Variants in ANKRD24 observed in about 807,000 individuals in gnomAD.
ANKRD24 encodes the protein ankyrin repeat domain 24, also known as ankyrin repeat domain-containing protein 24.
A neutral mutation model predicts 127.8 loss-of-function variants in ANKRD24; 109 were observed. That is an observed-to-expected ratio of 0.85 (90% CI 0.73 to 1.00). The LOEUF (loss-of-function observed/expected upper bound fraction) is 1.00. Ranked by LOEUF, ANKRD24 falls within the 50% of genes least tolerant of loss-of-function variation. The pLI is 0.00. For synonymous variants in ANKRD24, 743 were observed against 671.1 expected (o/e 1.11, Z -1.66); for missense variants, 1,648 against 1,570.2 (o/e 1.05, Z -0.84).
At position 4,223,409 on chromosome 19, in the gene ANKRD24, T is replaced by A. The variant is rs1479462679; in HGVS notation, c.3297+614T>A. Among the ~76,000 whole-genome samples the A allele has an allele frequency of 9.9e-4, 126 of 127,392 alleles. 1 individual carries two copies. Among genetic ancestry groups the A allele is most frequent in the African/African-American group, 4.0e-3 (112 of 27,714 alleles). The allele number at this position is 127,392 out of a possible 152,430, so 83.6% of individuals were successfully genotyped here. The stretch of plus-strand genomic sequence containing the variant: ...TATATATATATATATATATTTTTTT[T>A]TTTTTTTTTTTGAGCCAGTCTCACT... On this transcript the variant is annotated intron_variant, in intron 20 of 21. Coordinates refer to ENST00000318934, the MANE Select transcript of ANKRD24 (RefSeq NM_001393985.1).
intron 2 of ANKRD24, among the ~76,000 whole-genome samples, chr19:4,193,710 G>A (rs538100170): frequency 2.0e-5 from 3 of 151,930 alleles, no homozygotes; most frequent in Admixed American, 1.3e-4. Context: ...GGTGGCGGGT[G>A]CGTGTAATCC....
chr19:4,204,050 G>C (rs576710602), intron 7 of ANKRD24, among the ~76,000 whole-genome samples: 46 of 134,138 alleles, frequency 3.4e-4, no homozygotes, highest in African/African-American at 1.0e-3. Context: ...TGCAAGCTCC[G>C]CCTCCCGGGT....
At chr19:4,200,234 C>A in intron 5 of ANKRD24, 63 bp downstream of exon 5, 2 of 1,468,420 alleles carry the variant, frequency 1.4e-6, no homozygotes, top group South Asian at 1.2e-5. Flanking sequence ...GCCTGAGGGT[C>A]CAGCCAGACC....
At chr19:4,207,475 A>G in intron 8 of ANKRD24, 26 bp from the exon 9 acceptor site, 1 of 1,608,866 alleles carries the variant, frequency 6.2e-7, no homozygotes, top group Non-Finnish European at 8.5e-7. Flanking sequence ...TTCTCATGCC[A>G]TCGCATCCCT....
chr19:4,196,299 G>A lies in ANKRD24; in HGVS notation c.37-3384G>A, dbSNP rs145284097. 1.0e-3 allele frequency among the ~76,000 whole-genome samples: 152 copies of A among 152,278 alleles called. 1 individual carries two copies. The East Asian group carries it at 0.02, about 20-fold the overall frequency. ...CAAGCCCCTGTCACCTGTCTGCTGCGTCGTTGCTCTTAAATTCTGGCTCTG... is the reference window on the plus strand; with the variant it reads ...CAAGCCCCTGTCACCTGTCTGCTGCATCGTTGCTCTTAAATTCTGGCTCTG... On this transcript the variant is annotated intron_variant, in intron 2 of 21. Transcript: ENST00000318934.
Position 4,207,513 on chromosome 19 carries a change from C to T in ANKRD24, c.550C>T (p.Pro184Ser). 1.2e-6 allele frequency: 2 copies of T among 1,613,868 alleles called. No homozygotes were observed. Among genetic ancestry groups the T allele is most frequent in the Non-Finnish European group, 8.5e-7 (1 of 1,179,832 alleles). Residue 184 changes from proline (P) to serine (S), a missense_variant, in exon 9 of 22, where the codon CCC becomes TCC. Pro to Ser is a moderately conservative substitution (Grantham distance 74). Transcript: ENST00000318934. ...TCCTCCCTACCAGTCAGGCGCAACA[C>T]CCCTCATTATAGCAGCTCAGATGTG... Reference protein sequence around the residue: ...LNPQDRSGATPLIIAAQMCHT... With the variant: ...LNPQDRSGATSLIIAAQMCHT...
intron 15 of ANKRD24, among the ~76,000 whole-genome samples, chr19:4,215,730 G>A (rs993018618): frequency 1.1e-4 from 17 of 151,060 alleles, no homozygotes; most frequent in African/African-American, 2.9e-4. Flanking sequence ...AACTATGATC[G>A]CACCACTGCA....
In ANKRD24 at chr19:4,199,866, G is replaced by C. The variant is rs769497716; in HGVS notation, c.124-9G>C. On this transcript the variant is annotated splice_polypyrimidine_tract_variant and intron_variant, in intron 3 of 21. Coordinates refer to ENST00000318934, the MANE Select transcript of ANKRD24 (RefSeq NM_001393985.1). The surrounding 1 kb of genome is among the most constrained non-coding windows in gnomAD (Gnocchi z 5.2). The stretch of plus-strand genomic sequence containing the variant: ...CACTGCCCCACGCACTTCTGGGCGT[G>C]CCCTGCAGAGTCAAGACTGGGGCAA... 1 of 1,566,032 alleles carries C rather than the reference G, an allele frequency of 6.4e-7. No homozygotes were observed.
At chr19:4,207,388 C>T in intron 8 of ANKRD24, 76 bp downstream of exon 8, 1 of 1,577,942 alleles carries the variant, frequency 6.3e-7, no homozygotes, top group South Asian at 1.1e-5. Context: ...ATCTCAGGCA[C>T]CCTTTGAAAG....
At chr19:4,213,426 T>A (rs952186671) in intron 15 of ANKRD24, among the ~76,000 whole-genome samples, 1 of 149,864 alleles carries the variant, frequency 6.7e-6, no homozygotes, top group Admixed American at 6.7e-5. Context: ...TTTTCCTTCC[T>A]TTCTTCTCTC....
intron 2 of ANKRD24, among the ~76,000 whole-genome samples, chr19:4,193,845 G>GAGGGCGGGAAAGA (rs573649233): frequency 2.5e-5 from 1 of 40,590 alleles, no homozygotes; most frequent in African/African-American, 1.3e-4. Context: ...GGGAGGGAGG[G>GAGGGCGGGAAAGA]AGGAAGGAAG....
intron 11 of ANKRD24, among the ~76,000 whole-genome samples, chr19:4,209,572 C>T (rs1054906542): frequency 2.0e-5 from 3 of 152,148 alleles, no homozygotes; most frequent in African/African-American, 7.2e-5. Flanking sequence ...GCCTCAGTTT[C>T]CCTAGTAGCT....
At chr19:4,197,400 C>T (rs999388625) in intron 2 of ANKRD24, among the ~76,000 whole-genome samples, 2 of 151,760 alleles carry the variant, frequency 1.3e-5, no homozygotes, top group African/African-American at 4.8e-5. Context: ...CGGGAATGAA[C>T]AAATGAATGA....
intron 2 of ANKRD24, among the ~76,000 whole-genome samples, chr19:4,194,904 C>G (rs1188843703): frequency 6.6e-6 from 1 of 152,086 alleles, no homozygotes; most frequent in African/African-American, 2.4e-5. Context: ...TTGGATGAAG[C>G]CTGGAGGGCT....
Position 4,199,674 on chromosome 19 carries a change from C to A in ANKRD24, c.37-9C>A. 1 of 1,524,496 alleles carries A rather than the reference C, an allele frequency of 6.6e-7. No homozygotes were observed. Among genetic ancestry groups the A allele is most frequent in the Non-Finnish European group, 8.8e-7 (1 of 1,140,168 alleles). The allele number at this position is 1,524,496 out of a possible 1,614,324, so 94.4% of individuals were successfully genotyped here. On this transcript the variant is annotated splice_polypyrimidine_tract_variant and intron_variant, in intron 2 of 21. Transcript: ENST00000318934. The surrounding 1 kb of genome is among the most constrained non-coding windows in gnomAD (Gnocchi z 5.2). ...GGACCCCCTCGCCCAGGACCACCTC[C>A]CCCTGCAGCTGCGGCTCAGCCCCAC... is the stretch of plus-strand genomic sequence containing the variant.
At chr19:4,214,822 C>G (rs1392569777) in intron 15 of ANKRD24, among the ~76,000 whole-genome samples, 1 of 152,156 alleles carries the variant, frequency 6.6e-6, no homozygotes, top group Non-Finnish European at 1.5e-5. Flanking sequence ...CCACTGCACT[C>G]CAGCCTGGGC....
chr19:4,186,934 C>T (rs1379566582), intron 2 of ANKRD24, among the ~76,000 whole-genome samples: 2 of 152,122 alleles, frequency 1.3e-5, no homozygotes, highest in African/African-American at 2.4e-5. Context: ...TGGAGCCGAC[C>T]GCTGAGTACG....
intron 13 of ANKRD24, 64 bp downstream of exon 13, chr19:4,210,436 T>G: frequency 7.4e-7 from 1 of 1,346,302 alleles, no homozygotes; most frequent in Non-Finnish European, 1.0e-6. Flanking sequence ...GGCATGAAGA[T>G]CCCCCTACTT....
At chr19:4,208,990 A>T in intron 11 of ANKRD24, 189 bp downstream of exon 11, 6 of 469,472 alleles carry the variant, frequency 1.3e-5, no homozygotes, top group East Asian at 4.4e-5. Flanking sequence ...GAACTGGGTG[A>T]GAATACTGGA....
Sources: gnomAD v4.1 joint callset for allele counts (sites outside exome capture counted in the v4.1 genomes callset) on GRCh38, gnomAD v4.1.1 for gene constraint, Gnocchi (gnomAD v3.1) non-coding constraint, MANE v1.5 for transcripts, NCBI Gene and HGNC (gene_info 2026-07-23, HGNC 2026-07-21) for gene names.